UBE2L3: variants seen among roughly 807,000 people sequenced by gnomAD.
UBE2L3 encodes ubiquitin-conjugating enzyme E2 L3.
Under a neutral mutation model 17.8 loss-of-function variants are expected in UBE2L3, and 1 was observed. The ratio of observed to expected loss-of-function variants is 0.06; its 90% CI spans 0.02 to 0.27. The LOEUF (loss-of-function observed/expected upper bound fraction) is 0.27, where lower values mean the gene tolerates loss of function less well. UBE2L3 is among the 10% of genes least tolerant of loss of function. The probability of loss-of-function intolerance (pLI) is 1.00; values close to 1 mark genes in which losing one functional copy is unlikely to be tolerated. For synonymous variants in UBE2L3, 44 were observed against 68.5 expected, an observed-to-expected ratio of 0.64 and a Z score of 1.76; for missense variants, 40 against 192.6, an observed-to-expected ratio of 0.21 and a Z score of 4.69.
rs1309068332 is a variant in UBE2L3, at chr22:21,623,890, A to G, written c.*2221A>G. On this transcript the variant is annotated 3_prime_UTR_variant, in exon 4 of 4. Transcript: ENST00000342192. Reference sequence around the variant, plus strand: ...AGCCACCCACTGCTGCCCCAAGCTCACTCAGGAATTCACACCCGCCTGGTT... The same window carrying G: ...AGCCACCCACTGCTGCCCCAAGCTCGCTCAGGAATTCACACCCGCCTGGTT... The G allele has an allele frequency of 6.6e-6, 1 of 152,360 alleles. No individual in the cohort carries two copies. The highest frequency in any genetic ancestry group is 1.5e-5 in the Non-Finnish European group (1 of 68,136). 9.4% of individuals were successfully genotyped at this position (152,360 alleles called of 1,614,324 possible). A position where few individuals can be genotyped will look rare whatever the true frequency, so the allele number is the denominator to read the frequency against.
chr22:21,614,540 C>A (rs1929666286), intron 3 of UBE2L3: 1 of 1,364,598 alleles, frequency 7.3e-7, no homozygotes, highest in Admixed American at 1.9e-5. Context: ...ATTTTTGTCT[C>A]CTGCCCTTGT....
At chr22:21,608,445 A>G (rs1929291566) in intron 2 of UBE2L3, among the ~76,000 whole-genome samples, 2 of 152,096 alleles carry the variant, frequency 1.3e-5, no homozygotes, top group African/African-American at 2.4e-5. Context: ...ATTTTTTGAG[A>G]TGGAATCTTG....
intron 2 of UBE2L3, among the ~76,000 whole-genome samples, chr22:21,593,510 A>G (rs557639167): frequency 1.1e-3 from 173 of 151,716 alleles, no homozygotes; most frequent in African/African-American, 3.5e-3. Context: ...CCCACAGCCC[A>G]GCTCCCCCAT....
intron 1 of UBE2L3, among the ~76,000 whole-genome samples, chr22:21,580,228 G>A (rs1327951416): frequency 6.6e-6 from 1 of 152,146 alleles, no homozygotes; most frequent in Non-Finnish European, 1.5e-5. Flanking sequence ...TTCTAGTCCT[G>A]GGCATGCTCT....
intron 1 of UBE2L3, among the ~76,000 whole-genome samples, chr22:21,584,103 G>A (rs1413318938): frequency 6.6e-6 from 1 of 151,956 alleles, no homozygotes; most frequent in Non-Finnish European, 1.5e-5. Context: ...TCGAACTCCC[G>A]ACCTCAGGTG....
chr22:21,610,629 G>T (rs1282611266), intron 2 of UBE2L3, among the ~76,000 whole-genome samples: 1 of 152,138 alleles, frequency 6.6e-6, no homozygotes, highest in Non-Finnish European at 1.5e-5. Flanking sequence ...TTTTAAAAAA[G>T]TATGAAGAGA....
At chr22:21,571,788 GTTCA>G (rs1926981656) in intron 1 of UBE2L3, among the ~76,000 whole-genome samples, 1 of 152,142 alleles carries the variant, frequency 6.6e-6, no homozygotes, top group Non-Finnish European at 1.5e-5. Flanking sequence ...ACCTCTAAAA[GTTCA>G]TTCCTTGGGT....
At chr22:21,572,591 T>G (rs142785388) in intron 1 of UBE2L3, among the ~76,000 whole-genome samples, 3 of 152,322 alleles carry the variant, frequency 2.0e-5, no homozygotes, top group African/African-American at 7.2e-5. Flanking sequence ...TTATTACGTT[T>G]AAGATATTTC....
At position 21,623,292 on chromosome 22, in the gene UBE2L3, G is replaced by A. The variant is rs1352729570; in HGVS notation, c.*1623G>A. ...CATTGTTCAGGCGCATGGCCCCTGC[G>A]GTGTGTACACGAACTCGGCTTCTTT... On this transcript the variant is annotated 3_prime_UTR_variant, in exon 4 of 4. Coordinates refer to ENST00000342192, the MANE Select transcript of UBE2L3 (RefSeq NM_003347.4). 2 of 152,608 alleles carry A rather than the reference G, an allele frequency of 1.3e-5. No individual in the cohort carries two copies. The highest frequency in any genetic ancestry group is 4.8e-5 in the African/African-American group (2 of 41,444). The allele number at this position is 152,608 out of a possible 1,614,324, so 9.5% of individuals were successfully genotyped here.
At chr22:21,612,643 C>CTTTTCTTTTTTTTT (rs1929552765) in intron 3 of UBE2L3, among the ~76,000 whole-genome samples, 5 of 52,476 alleles carry the variant, frequency 9.5e-5, no homozygotes, top group Non-Finnish European at 1.5e-4. Context: ...CTTTTCTTTT[C>CTTTTCTTTTTTTTT]TTTTTTTTTT....
At chr22:21,615,235 C>T (rs1196727839) in intron 3 of UBE2L3, among the ~76,000 whole-genome samples, 2 of 152,028 alleles carry the variant, frequency 1.3e-5, no homozygotes, top group Non-Finnish European at 2.9e-5. Context: ...CAATGAAGTA[C>T]TGTCTTATGG....
chr22:21,573,696 C>G (rs1166263166), intron 1 of UBE2L3, among the ~76,000 whole-genome samples: 2 of 152,168 alleles, frequency 1.3e-5, no homozygotes, highest in African/African-American at 4.8e-5. Flanking sequence ...CTCAGGAGGG[C>G]TGTGGGCAGT....
intron 1 of UBE2L3, among the ~76,000 whole-genome samples, chr22:21,588,385 G>A (rs770371608): frequency 6.6e-6 from 1 of 151,952 alleles, no homozygotes; most frequent in Non-Finnish European, 1.5e-5. Context: ...CCATCTTGAG[G>A]GTTTGAGTCA....
intron 1 of UBE2L3, among the ~76,000 whole-genome samples, chr22:21,584,574 G>C (rs73166622): frequency 0.22 from 32,911 of 151,688 alleles, 4,377 homozygotes; most frequent in East Asian, 0.51. Context: ...CATGATCATG[G>C]GCTCAGGCAA....
chr22:21,603,833 T>C (rs1928996158), intron 2 of UBE2L3, among the ~76,000 whole-genome samples: 1 of 143,554 alleles, frequency 7.0e-6, no homozygotes, highest in African/African-American at 2.8e-5. Flanking sequence ...CCAGACTCTG[T>C]CTCAAAAAAA....
rs1357031893 is a variant in UBE2L3 at position 21,622,979 on chromosome 22, G to A, written c.*1310G>A. On this transcript the variant is annotated 3_prime_UTR_variant, in exon 4 of 4. Transcript: ENST00000342192. ...GATTTGAATATTAATGTCTTTTCAA[G>A]GCAAATGGGATTGTCCCCGCACTAG... The A allele has an allele frequency of 6.6e-6, 1 of 152,420 alleles. No individual in the cohort carries two copies. The highest frequency in any genetic ancestry group is 1.5e-5 in the Non-Finnish European group (1 of 68,028). 9.4% of individuals were successfully genotyped at this position (152,420 alleles called of 1,614,324 possible).
At chr22:21,577,084 T>A (rs1259012706) in intron 1 of UBE2L3, among the ~76,000 whole-genome samples, 1 of 151,984 alleles carries the variant, frequency 6.6e-6, no homozygotes, top group Non-Finnish European at 1.5e-5. Context: ...TTCTCCTGCT[T>A]CACCCTCTCG....
intron 1 of UBE2L3, among the ~76,000 whole-genome samples, chr22:21,587,353 C>T (rs1473717815): frequency 6.6e-6 from 1 of 151,752 alleles, no homozygotes; most frequent in Non-Finnish European, 1.5e-5. Context: ...ACCATGTCCA[C>T]CTAATTTTTG....
In UBE2L3 at chr22:21,567,733, A is replaced by T; in HGVS notation, c.-12A>T. The stretch of plus-strand genomic sequence containing the variant: ...CGATGCATTCTGGGGAAGGAGCAGC[A>T]CCAAATCCAAGATGGCGGCCAGCAG... On this transcript the variant is annotated 5_prime_UTR_variant, in exon 1 of 4. Transcript: ENST00000342192. 2 of 1,580,628 alleles carry T rather than the reference A, an allele frequency of 1.3e-6. No homozygotes were observed. Among genetic ancestry groups the T allele is most frequent in the Non-Finnish European group, 1.7e-6 (2 of 1,164,792 alleles).
Sources: gnomAD v4.1 joint callset for allele counts (sites outside exome capture counted in the v4.1 genomes callset) on GRCh38, gnomAD v4.1.1 for gene constraint, MANE v1.5 for transcripts, NCBI Gene and HGNC (gene_info 2026-07-23, HGNC 2026-07-21) for gene names.